CDIN1: variants seen among roughly 807,000 people sequenced by gnomAD.
CDIN1 encodes the protein CDAN1 interacting nuclease 1.
Under a neutral mutation model 45.3 loss-of-function variants are expected in CDIN1, and 33 were observed. The ratio of observed to expected loss-of-function variants is 0.73; its 90% CI spans 0.55 to 0.97. CDIN1 has a LOEUF of 0.97. Ranked by LOEUF, CDIN1 falls within the 50% of genes least tolerant of loss-of-function variation. The pLI is 0.00. For synonymous variants in CDIN1, 118 were observed against 124.4 expected, an observed-to-expected ratio of 0.95 and a Z score of 0.34; for missense variants, 303 against 339.4, an observed-to-expected ratio of 0.89 and a Z score of 0.84.
chr15:36,760,568 G>A lies in CDIN1; in HGVS notation c.717-47756G>A, dbSNP rs530477423. On this transcript the variant is annotated intron_variant, in intron 10 of 10. Coordinates refer to ENST00000566621, the MANE Select transcript of CDIN1 (RefSeq NM_001321759.2). The stretch of plus-strand genomic sequence containing the variant: ...TTTTAGAGGCAAAGAAAGGTTATGT[G>A]TTGTTCTTCAAAAAGTATGCATTTG... Among the ~76,000 whole-genome samples, 11 of 152,272 alleles carry A rather than the reference G, an allele frequency of 7.2e-5. No individual in the cohort carries two copies. The South Asian group carries it at 2.3e-3, about 32-fold the overall frequency.
chr15:36,691,254 A>T, intron 5 of CDIN1: 1 of 509,636 alleles, frequency 2.0e-6, no homozygotes, highest in Non-Finnish European at 3.9e-6. Context: ...GTATATGAAG[A>T]GTTTAGTGAA....
Position 36,654,155 on chromosome 15 carries a change from T to C in CDIN1, c.270T>C (p.Asn90=), listed in dbSNP as rs1482294199. 1.3e-6 allele frequency: 2 copies of C among 1,567,450 alleles called. No homozygotes were observed. The highest frequency in any genetic ancestry group is 1.3e-5 in the African/African-American group (1 of 74,210). The change falls in exon 4 of 11, where the codon AAT becomes AAC. Residue 90 remains asparagine, a synonymous_variant. Transcript: ENST00000566621. The part of the protein sequence containing the change: ...GAAPVLLDLA[N]EVDYAPSLMA... Reference sequence around the variant, plus strand: ...CCCCAGTGCTCCTGGACCTGGCCAATGAGGTAATGTTATTGTTATGATTTT... The same window carrying C: ...CCCCAGTGCTCCTGGACCTGGCCAACGAGGTAATGTTATTGTTATGATTTT...
At chr15:36,635,600 G>A (rs923430937) in intron 1 of CDIN1, among the ~76,000 whole-genome samples, 6 of 152,076 alleles carry the variant, frequency 3.9e-5, no homozygotes, top group African/African-American at 1.4e-4. Context: ...ATACTCAGTT[G>A]CATAAGGACA....
chr15:36,587,194 C>A (rs1218479348), intron 1 of CDIN1, among the ~76,000 whole-genome samples: 1 of 151,756 alleles, frequency 6.6e-6, no homozygotes, highest in African/African-American at 2.4e-5. Context: ...CATTTTGAAG[C>A]ATGTTTTTTT....
intron 10 of CDIN1, among the ~76,000 whole-genome samples, chr15:36,741,896 T>G (rs1440811116): frequency 1.3e-5 from 2 of 152,158 alleles, no homozygotes; most frequent in Non-Finnish European, 2.9e-5. Context: ...ACAAAGTTTT[T>G]GGGAGGTACA....
At position 36,620,232 on chromosome 15, in the gene CDIN1, G is replaced by T. The variant is rs1055636439; in HGVS notation, c.102-24046G>T. On this transcript the variant is annotated intron_variant, in intron 1 of 10. Transcript: ENST00000566621. ...TGGGAGTGGTGGCGGGCGCCTGTAG[G>T]CCCAGCTACCCGGGAGGCTGAGGCA... Among the ~76,000 whole-genome samples the T allele has an allele frequency of 1.1e-3, 167 of 152,036 alleles. 1 individual carries two copies. The highest frequency in any genetic ancestry group is 1.7e-3 in the South Asian group (8 of 4,808).
chr15:36,797,739 G>C (rs2054854020), intron 10 of CDIN1, among the ~76,000 whole-genome samples: 1 of 152,122 alleles, frequency 6.6e-6, no homozygotes, highest in African/African-American at 2.4e-5. Flanking sequence ...CAGCACTTTG[G>C]GGGGCCGAGG....
At chr15:36,653,063 ATAAAT>A (rs1044408425) in intron 3 of CDIN1, among the ~76,000 whole-genome samples, 1 of 152,208 alleles carries the variant, frequency 6.6e-6, no homozygotes, top group African/African-American at 2.4e-5. Context: ...GGTAGGCATA[ATAAAT>A]TAAATAAAAT....
chr15:36,602,572 CTG>C (rs2038157509), intron 1 of CDIN1, among the ~76,000 whole-genome samples: 1 of 152,084 alleles, frequency 6.6e-6, no homozygotes, highest in Admixed American at 6.5e-5. Flanking sequence ...TTGTATTTAT[CTG>C]TGTTTCTAGA....
At chr15:36,651,549 T>TA (rs1240291252) in intron 3 of CDIN1, among the ~76,000 whole-genome samples, 4 of 152,194 alleles carry the variant, frequency 2.6e-5, no homozygotes, top group Non-Finnish European at 5.9e-5. Flanking sequence ...AAATTAAACT[T>TA]AATTTTTTTT....
At chr15:36,613,777 A>C (rs1426211959) in intron 1 of CDIN1, 2 of 1,601,538 alleles carry the variant, frequency 1.2e-6, no homozygotes, top group Non-Finnish European at 1.7e-6. Context: ...TAAAAGATGA[A>C]GAAAAGATAG....
At chr15:36,729,502 G>A (rs2043763461) in intron 10 of CDIN1, among the ~76,000 whole-genome samples, 1 of 152,090 alleles carries the variant, frequency 6.6e-6, no homozygotes, top group Admixed American at 6.6e-5. Flanking sequence ...ACTGGTCTTT[G>A]ATATGAACAC....
chr15:36,686,725 T>C (rs2042064604), intron 5 of CDIN1, among the ~76,000 whole-genome samples: 1 of 139,510 alleles, frequency 7.2e-6, no homozygotes. Flanking sequence ...CTAAAAAAAA[T>C]ACAAGAAAGA....
chr15:36,796,117 A>G (rs1426427145), intron 10 of CDIN1, among the ~76,000 whole-genome samples: 1 of 152,178 alleles, frequency 6.6e-6, no homozygotes, highest in African/African-American at 2.4e-5. Flanking sequence ...ATCTCTGGAC[A>G]GAGATCTAGT....
chr15:36,803,297 G>C (rs1461678466), intron 10 of CDIN1, among the ~76,000 whole-genome samples: 2 of 151,086 alleles, frequency 1.3e-5, no homozygotes, highest in Non-Finnish European at 2.9e-5. Flanking sequence ...TAGGAGCTAA[G>C]AAGCTCAGTT....
chr15:36,579,867 C>G lies in CDIN1; in HGVS notation c.7C>G (p.Leu3Val). Residue 3 changes from leucine (L) to valine (V), a missense_variant, in exon 1 of 11, where the codon CTG becomes GTG. By Grantham distance (32) the Leu-to-Val change is conservative. Transcript: ENST00000566621. Reference protein sequence around the residue: MILTKAQYDEIAQ... With the variant: MIVTKAQYDEIAQ... ...TCCTGGTCCCTGGCCCAACATGATA[C>G]TGACCAAAGCTCAGTACGACGAGAT... 6.2e-7 allele frequency: 1 copy of G among 1,613,548 alleles called. No homozygotes were observed. The highest frequency in any genetic ancestry group is 8.5e-7 in the Non-Finnish European group (1 of 1,179,694).
chr15:36,766,896 TTTG>T (rs1392451733), intron 10 of CDIN1, among the ~76,000 whole-genome samples: 3 of 152,184 alleles, frequency 2.0e-5, no homozygotes, highest in Non-Finnish European at 4.4e-5. Context: ...GTTGATGGGT[TTTG>T]TTTTTTGTGT....
At chr15:36,623,179 T>C (rs2140319132) in intron 1 of CDIN1, among the ~76,000 whole-genome samples, 1 of 152,266 alleles carries the variant, frequency 6.6e-6, no homozygotes, top group South Asian at 2.1e-4. Context: ...TTTTAGGATG[T>C]TGTATATATG....
intron 1 of CDIN1, among the ~76,000 whole-genome samples, chr15:36,611,132 G>T (rs563601040): frequency 1.3e-5 from 2 of 152,174 alleles, no homozygotes; most frequent in South Asian, 2.1e-4. Flanking sequence ...AGGCTTTTTT[G>T]GGGGAGGCCT....
Sources: gnomAD v4.1 joint callset for allele counts (sites outside exome capture counted in the v4.1 genomes callset) on GRCh38, gnomAD v4.1.1 for gene constraint, MANE v1.5 for transcripts, NCBI Gene and HGNC (gene_info 2026-07-23, HGNC 2026-07-21) for gene names.